Variants in CGGBP1 observed in about 807,000 individuals in gnomAD.
The protein encoded by CGGBP1 is CGG triplet repeat binding protein 1.
In CGGBP1, 4 loss-of-function variants were observed where a neutral mutation model predicts 11.4. The ratio of observed to expected loss-of-function variants is 0.35; its 90% confidence interval spans 0.17 to 0.80. The LOEUF (loss-of-function observed/expected upper bound fraction) is 0.80. CGGBP1 is among the 30% of genes least tolerant of loss of function. CGGBP1 has a pLI of 0.52. For missense variants in CGGBP1, 135 were observed against 202.1 expected, an observed-to-expected ratio of 0.67 and a Z score of 2.01; for synonymous variants, 76 against 74.1, an observed-to-expected ratio of 1.03 and a Z score of -0.13.
intron 2 of CGGBP1, among the ~76,000 whole-genome samples, chr3:88,119,492 GTAAC>G (rs1367267751): frequency 6.0e-5 from 9 of 149,694 alleles, no homozygotes; most frequent in Non-Finnish European, 8.9e-5. Context: ...GTATACATAT[GTAAC>G]TAACCTGCAC....
intron 2 of CGGBP1, among the ~76,000 whole-genome samples, chr3:88,129,223 A>G (rs1706293560): frequency 6.6e-6 from 1 of 151,742 alleles, no homozygotes; most frequent in Non-Finnish European, 1.5e-5. Flanking sequence ...GATGAAATCA[A>G]TAAAATATAC....
intron 2 of CGGBP1, among the ~76,000 whole-genome samples, chr3:88,131,722 A>G (rs1198778533): frequency 6.6e-6 from 1 of 152,048 alleles, no homozygotes; most frequent in East Asian, 1.9e-4. Context: ...TTCCTTCTAA[A>G]TAGCGTGGGT....
chr3:88,128,656 G>C (rs182532474), intron 2 of CGGBP1, among the ~76,000 whole-genome samples: 55 of 152,030 alleles, frequency 3.6e-4, no homozygotes. Context: ...CCATATAACT[G>C]AATATTTTCA....
chr3:88,125,083 C>T (rs1706012179), intron 2 of CGGBP1, among the ~76,000 whole-genome samples: 1 of 151,296 alleles, frequency 6.6e-6, no homozygotes, highest in East Asian at 1.9e-4. Context: ...GGCATGGTGA[C>T]ACGCGCCTGT....
chr3:88,124,715 T>C (rs77103254), intron 2 of CGGBP1, among the ~76,000 whole-genome samples: 1,561 of 152,280 alleles, frequency 0.01, 26 homozygotes, highest in African/African-American at 0.035. Context: ...AGAGATTTTG[T>C]GAGCACAGAA....
chr3:88,084,722 G>A (rs916742210), intron 2 of CGGBP1, among the ~76,000 whole-genome samples: 1 of 152,146 alleles, frequency 6.6e-6, no homozygotes. Context: ...GCAATTACAC[G>A]AAACTCTTGA....
At chr3:88,108,418 G>A (rs1187751895) in intron 2 of CGGBP1, among the ~76,000 whole-genome samples, 1 of 152,078 alleles carries the variant, frequency 6.6e-6, no homozygotes, top group African/African-American at 2.4e-5. Context: ...GTTTTCTTTA[G>A]TTTTGTCTGT....
chr3:88,149,733 G>A (rs1246945854), exon 1 of CGGBP1: 1 of 198,976 alleles, frequency 5.0e-6, no homozygotes, highest in South Asian at 7.9e-5. Flanking sequence ...AGCCCTCCAA[G>A]GCGCTCTTTT....
intron 2 of CGGBP1, chr3:88,129,933 T>TA (rs536627062): frequency 2.5e-4 from 253 of 1,028,680 alleles, no homozygotes; most frequent in South Asian, 5.4e-4. Context: ...AAGCTACTTT[T>TA]AAAAAAAAAT....
intron 1 of CGGBP1, among the ~76,000 whole-genome samples, chr3:88,146,091 G>T (rs1386486919): frequency 6.6e-6 from 1 of 152,186 alleles, no homozygotes; most frequent in African/African-American, 2.4e-5. Flanking sequence ...TGATGTAGTG[G>T]TATCTTCTAG....
chr3:88,081,634 T>C (rs1301317139), intron 2 of CGGBP1, among the ~76,000 whole-genome samples: 1 of 152,256 alleles, frequency 6.6e-6, no homozygotes, highest in Non-Finnish European at 1.5e-5. Flanking sequence ...GTTCAAGTTG[T>C]GCCAGCTTTA....
chr3:88,054,556 A>T lies in CGGBP1; in HGVS notation c.*917T>A, dbSNP rs1451563740. 2.0e-5 allele frequency: 3 copies of T among 152,220 alleles called. No individual in the cohort carries two copies. Among genetic ancestry groups the T allele is most frequent in the Non-Finnish European group, 4.4e-5 (3 of 68,022 alleles). 9.4% of individuals were successfully genotyped at this position (152,220 alleles called of 1,614,324 possible). ...ATAAACTCATAAAGTTGTAGAGAAA[A>T]ATTAATGAATAGAAAGTAATTTTAT... On this transcript the variant is annotated 3_prime_UTR_variant, in exon 4 of 4. Transcript: ENST00000482016.
intron 2 of CGGBP1, chr3:88,126,051 C>G: frequency 7.7e-7 from 1 of 1,294,032 alleles, no homozygotes. Flanking sequence ...CACTGGCCAT[C>G]AGTCATTTTA....
chr3:88,137,240 G>A (rs1193275857), intron 2 of CGGBP1, among the ~76,000 whole-genome samples: 5 of 146,926 alleles, frequency 3.4e-5, no homozygotes, highest in African/African-American at 5.0e-5. Context: ...GAAGTATGGA[G>A]AAAGAAAACG....
chr3:88,065,719 G>GTTTATTATTATTA lies in CGGBP1; in HGVS notation c.-228-7509_-228-7497dup, dbSNP rs1707159108. The stretch of plus-strand genomic sequence containing the variant: ...ATTTTCTTTTCCTACCTCACAGATT[G>GTTTATTATTATTA]TTTATTATTATTATTTTTTTGAGAC... On this transcript the variant is annotated intron_variant, in intron 2 of 3. Coordinates refer to the CGGBP1 transcript ENST00000462901. 2.0e-5 allele frequency among the ~76,000 whole-genome samples: 3 copies of GTTTATTATTATTA among 151,910 alleles called. No homozygotes were observed. In the South Asian group the frequency reaches 6.3e-4, roughly 32 times the overall value.
At position 88,141,595 on chromosome 3, in the gene CGGBP1, C is replaced by T. The variant is rs201527695; in HGVS notation, c.-337-517G>A. 1,132 of 1,376,420 alleles carry T rather than the reference C, an allele frequency of 8.2e-4. 8 individuals carry two copies. The highest frequency in any genetic ancestry group is 1.4e-3 in the South Asian group (81 of 59,692). 85.3% of individuals were successfully genotyped at this position (1,376,420 alleles called of 1,614,324 possible). A position where few individuals can be genotyped will look rare whatever the true frequency, so the allele number is the denominator to read the frequency against. ...TAAACAGGAATCTGACTTGGAATTCCGGTCGAATGTCAATAAAACTTGCAT... is the reference window on the plus strand; with the variant it reads ...TAAACAGGAATCTGACTTGGAATTCTGGTCGAATGTCAATAAAACTTGCAT... On this transcript the variant is annotated intron_variant, in intron 1 of 3. Transcript: ENST00000462901.
chr3:88,093,789 T>C (rs1234146909), intron 2 of CGGBP1, among the ~76,000 whole-genome samples: 4 of 152,222 alleles, frequency 2.6e-5, no homozygotes, highest in Admixed American at 2.6e-4. Context: ...GTCTAGGCTT[T>C]CAACTAATTT....
rs1706447274 is a variant in CGGBP1 at position 88,052,362 on chromosome 3, A to G, written c.*3111T>C. The stretch of plus-strand genomic sequence containing the variant: ...TTTCCTTGTTATGAATCAAATGAAC[A>G]TGTTTTAAGGTGATTTGTCCTCATT... On this transcript the variant is annotated 3_prime_UTR_variant, in exon 4 of 4. Transcript: ENST00000482016. 1 of 152,660 alleles carries G rather than the reference A, an allele frequency of 6.6e-6. No individual in the cohort carries two copies. Among genetic ancestry groups the G allele is most frequent in the Admixed American group, 6.5e-5 (1 of 15,286 alleles). 9.5% of individuals were successfully genotyped at this position (152,660 alleles called of 1,614,324 possible). A position where few individuals can be genotyped will look rare whatever the true frequency, so the allele number is the denominator to read the frequency against.
At chr3:88,063,965 C>T (rs1707044844), upstream of CGGBP1, among the ~76,000 whole-genome samples, 2 of 152,210 alleles carry the variant, frequency 1.3e-5, no homozygotes, top group South Asian at 4.2e-4. Flanking sequence ...ACTTAATGAC[C>T]CACTTTCATC....
Sources: allele counts gnomAD v4.1 joint callset (sites outside exome capture counted in the v4.1 genomes callset), GRCh38; gene constraint gnomAD v4.1.1; transcripts MANE v1.5; gene names NCBI Gene and HGNC (gene_info 2026-07-23, HGNC 2026-07-21).